KCNAB1: variants seen among roughly 807,000 people sequenced by gnomAD.
KCNAB1 encodes the protein voltage-gated potassium channel subunit beta-1.
In KCNAB1, 35 loss-of-function variants were observed where a neutral mutation model predicts 64.6. The observed-to-expected ratio is 0.54, with a 90% CI of 0.41 to 0.72. The LOEUF (loss-of-function observed/expected upper bound fraction) is 0.72, where lower values mean the gene tolerates loss of function less well. Among genes scored for constraint, KCNAB1 ranks in the 30% least tolerant of loss-of-function variants. The pLI, the probability that KCNAB1 is intolerant of heterozygous loss-of-function variation, is 0.00. For synonymous variants in KCNAB1, 177 were observed against 183.8 expected (o/e 0.96, Z 0.30); for missense variants, 401 against 512.9 (o/e 0.78, Z 2.11).
intron 12 of KCNAB1, among the ~76,000 whole-genome samples, chr3:156,524,518 T>C (rs898127748): frequency 2.0e-5 from 3 of 151,776 alleles, no homozygotes; most frequent in African/African-American, 7.3e-5. Context: ...GAGGCCAAGG[T>C]GGGCGGATCA....
intron 1 of KCNAB1, among the ~76,000 whole-genome samples, chr3:156,155,426 G>A (rs1249421918): frequency 6.6e-6 from 1 of 152,170 alleles, no homozygotes; most frequent in Non-Finnish European, 1.5e-5. Flanking sequence ...TAAATTCTCT[G>A]GAGAAACACA....
chr3:156,171,183 T>TCACACACACACA (rs1273648068), intron 1 of KCNAB1, among the ~76,000 whole-genome samples: 2 of 74,966 alleles, frequency 2.7e-5, no homozygotes, highest in Admixed American at 1.9e-4. Context: ...GTTAGAAACT[T>TCACACACACACA]CACGCACACA....
intron 8 of KCNAB1, among the ~76,000 whole-genome samples, chr3:156,498,239 G>A (rs1439164652): frequency 6.6e-6 from 1 of 152,170 alleles, no homozygotes; most frequent in Non-Finnish European, 1.5e-5. Flanking sequence ...GCCCACAGCA[G>A]CAAACCATCC....
intron 1 of KCNAB1, among the ~76,000 whole-genome samples, chr3:156,296,360 T>G (rs561838053): frequency 6.6e-6 from 1 of 151,860 alleles, no homozygotes; most frequent in Non-Finnish European, 1.5e-5. Context: ...ATAAACTCCC[T>G]CCTCCTCATT....
Position 156,452,295 on chromosome 3 carries a change from C to T in KCNAB1, c.320-604C>T, listed in dbSNP as rs968953496. Among the ~76,000 whole-genome samples the T allele has an allele frequency of 7.9e-5, 12 of 152,176 alleles. No homozygotes were observed. Among genetic ancestry groups the T allele is most frequent in the Non-Finnish European group, 1.6e-4 (11 of 68,026 alleles). On this transcript the variant is annotated intron_variant, in intron 2 of 13. Transcript: ENST00000490337. This position sits in a 1 kb window ranked among gnomAD's most constrained non-coding sequence, Gnocchi z 4.6. The stretch of plus-strand genomic sequence containing the variant: ...GTGTGCATCTCTCCCCTTGCCTTCC[C>T]AAACCTTACTCCTGCTGCTGTCTCC...
At chr3:156,435,554 A>G (rs73164748) in intron 2 of KCNAB1, among the ~76,000 whole-genome samples, 1,764 of 152,324 alleles carry the variant, frequency 0.012, 5 homozygotes, top group Non-Finnish European at 0.018. Flanking sequence ...CAGTGAATCA[A>G]TGGACTTGAG....
chr3:156,308,245 A>G (rs1448574449), intron 1 of KCNAB1, among the ~76,000 whole-genome samples: 2 of 152,230 alleles, frequency 1.3e-5, no homozygotes, highest in East Asian at 3.9e-4. Context: ...TGCACATCTG[A>G]GGAACAATCA....
chr3:156,267,605 G>A (rs1718794167), intron 1 of KCNAB1, among the ~76,000 whole-genome samples: 1 of 152,078 alleles, frequency 6.6e-6, no homozygotes, highest in African/African-American at 2.4e-5. Context: ...CATCCCACAT[G>A]GTTTGCTCAT....
intron 1 of KCNAB1, among the ~76,000 whole-genome samples, chr3:156,359,796 A>C (rs1725484645): frequency 6.6e-6 from 1 of 152,228 alleles, no homozygotes; most frequent in Non-Finnish European, 1.5e-5. Flanking sequence ...ATGGATATTT[A>C]GTTGCAATGA....
chr3:156,171,038 GCTTTT>G (rs1327009113), intron 1 of KCNAB1, among the ~76,000 whole-genome samples: 2 of 152,146 alleles, frequency 1.3e-5, no homozygotes, highest in Non-Finnish European at 2.9e-5. Flanking sequence ...TACGTACACT[GCTTTT>G]TGGCGGTGAG....
intron 8 of KCNAB1, among the ~76,000 whole-genome samples, chr3:156,477,138 G>A (rs567040776): frequency 1.3e-5 from 2 of 152,146 alleles, no homozygotes; most frequent in African/African-American, 2.4e-5. Flanking sequence ...GATGTCTCTT[G>A]TATCAATATT....
chr3:156,418,294 A>T (rs1240558218), intron 1 of KCNAB1, among the ~76,000 whole-genome samples: 2 of 152,236 alleles, frequency 1.3e-5, no homozygotes, highest in African/African-American at 4.8e-5. Context: ...AATGTCACAT[A>T]AGATTATGAG....
intron 1 of KCNAB1, chr3:156,176,256 C>T: frequency 1.2e-6 from 1 of 861,512 alleles, no homozygotes; most frequent in Non-Finnish European, 2.0e-6. Context: ...TGTTCTGGCA[C>T]AGGTCCCAGA....
chr3:156,364,412 C>T (rs1725814373), intron 1 of KCNAB1, among the ~76,000 whole-genome samples: 1 of 152,136 alleles, frequency 6.6e-6, no homozygotes, highest in African/African-American at 2.4e-5. Context: ...CAGCTCATAA[C>T]AACATATATT....
chr3:156,448,778 G>C (rs765573021), intron 2 of KCNAB1, among the ~76,000 whole-genome samples: 1 of 134,940 alleles, frequency 7.4e-6, no homozygotes, highest in Non-Finnish European at 1.5e-5. Flanking sequence ...TTTTCTATAA[G>C]TCATAATAAA....
At chr3:156,135,805 A>T (rs1439107830) in intron 1 of KCNAB1, among the ~76,000 whole-genome samples, 1 of 152,236 alleles carries the variant, frequency 6.6e-6, no homozygotes, top group Non-Finnish European at 1.5e-5. Context: ...AAGAAGATAG[A>T]TAAGCCCCAT....
rs781584932 is a variant in KCNAB1 at position 156,515,190 on chromosome 3, G to A, written c.835G>A (p.Val279Ile). 1 of 1,613,120 alleles carries A rather than the reference G, an allele frequency of 6.2e-7. No individual in the cohort carries two copies. The highest frequency in any genetic ancestry group is 2.2e-5 in the East Asian group (1 of 44,830). Reference sequence around the variant, plus strand: ...TCTTTTCCAGAGAGAGAAAGTGGAGGTCCAGCTGCCAGAGCTCTACCACAA... The same window carrying A: ...TCTTTTCCAGAGAGAGAAAGTGGAGATCCAGCTGCCAGAGCTCTACCACAA... ...YHLFQREKVE[V>I]QLPELYHKIG... Residue 279 changes from valine to isoleucine, a missense_variant, in exon 10 of 14, where the codon GTC becomes ATC. By Grantham distance (29) the Val-to-Ile change is conservative. Transcript: ENST00000490337.
intron 2 of KCNAB1, among the ~76,000 whole-genome samples, chr3:156,437,145 G>C (rs79397189): frequency 0.037 from 5,553 of 152,114 alleles, 340 homozygotes; most frequent in African/African-American, 0.13. Flanking sequence ...ATTTATATAA[G>C]CAGTGTAAAT....
intron 1 of KCNAB1, among the ~76,000 whole-genome samples, chr3:156,315,190 T>C (rs1279505150): frequency 6.6e-6 from 1 of 152,202 alleles, no homozygotes; most frequent in East Asian, 1.9e-4. Context: ...AAGGTGAGGC[T>C]TGTCTCAATG....
Sources: gnomAD v4.1 joint callset for allele counts (sites outside exome capture counted in the v4.1 genomes callset) on GRCh38, gnomAD v4.1.1 for gene constraint, Gnocchi (gnomAD v3.1) non-coding constraint, MANE v1.5 for transcripts, NCBI Gene and HGNC (gene_info 2026-07-23, HGNC 2026-07-21) for gene names.